ADAMTS9: variants seen among roughly 807,000 people sequenced by gnomAD.
ADAMTS9 encodes A disintegrin and metalloproteinase with thrombospondin motifs 9.
A neutral mutation model predicts 257.1 loss-of-function variants in ADAMTS9; 107 were observed. The observed-to-expected ratio is 0.42, with a 90% CI of 0.36 to 0.49. The LOEUF (loss-of-function observed/expected upper bound fraction) is 0.49. Among genes scored for constraint, ADAMTS9 ranks in the 20% least tolerant of loss-of-function variants. ADAMTS9 has a pLI of 0.03. For missense variants in ADAMTS9, 2,353 were observed against 2,469.1 expected (o/e 0.95, Z 1.00); for synonymous variants, 982 against 880.9 (o/e 1.11, Z -2.03).
chr3:64,651,439 G>A (rs1017975032), intron 8 of ADAMTS9, among the ~76,000 whole-genome samples: 3 of 152,166 alleles, frequency 2.0e-5, no homozygotes, highest in Admixed American at 1.3e-4. Flanking sequence ...TGTACTTTTA[G>A]GAATTGCAGA....
intron 31 of ADAMTS9, among the ~76,000 whole-genome samples, chr3:64,547,732 A>G (rs2083221265): frequency 2.0e-5 from 3 of 151,900 alleles, no homozygotes; most frequent in Admixed American, 6.6e-5. Context: ...CTCTTGCTCT[A>G]TATCACGCCC....
At chr3:64,615,881 G>T (rs2084752770) in intron 20 of ADAMTS9, 79 bp downstream of exon 20, 2 of 1,539,162 alleles carry the variant, frequency 1.3e-6, no homozygotes, top group African/African-American at 1.4e-5. Context: ...GCCTAAATGG[G>T]GCTTACACAC....
chr3:64,584,466 C>A (rs1354854923), intron 28 of ADAMTS9, among the ~76,000 whole-genome samples: 1 of 152,056 alleles, frequency 6.6e-6, no homozygotes, highest in Non-Finnish European at 1.5e-5. Context: ...CTCTGCCACA[C>A]CCCACTCCCT....
chr3:64,681,616 C>G (rs1332422347), intron 2 of ADAMTS9, among the ~76,000 whole-genome samples: 1 of 152,162 alleles, frequency 6.6e-6, no homozygotes, highest in Admixed American at 6.5e-5. Context: ...GTCTTGCTCT[C>G]TCACCCAGCC....
intron 37 of ADAMTS9, among the ~76,000 whole-genome samples, chr3:64,535,391 A>T (rs2083036521): frequency 1.3e-5 from 2 of 151,930 alleles, no homozygotes; most frequent in South Asian, 4.2e-4. Context: ...ATATATATAC[A>T]TATGACATTT....
chr3:64,541,414 T>C lies in ADAMTS9; in HGVS notation c.5293A>G (p.Ile1765Val), dbSNP rs1266498094. The C allele has an allele frequency of 1.2e-6, 2 of 1,613,810 alleles. No homozygotes were observed. The highest frequency in any genetic ancestry group is 1.1e-5 in the South Asian group (1 of 91,086). ...TCAGAGTGCATCCCCGCACAGAATA[T>C]CTGAAAGACCATAAATAACCCATGA... ...FLMIRGKLLKIFCAGMHSDHP... is the reference protein window; with the variant it reads ...FLMIRGKLLKVFCAGMHSDHP... Residue 1765 changes from isoleucine (I) to valine (V), a missense_variant and splice_region_variant, in exon 35 of 40, where the codon ATA becomes GTA. Coordinates refer to ENST00000498707, the MANE Select transcript of ADAMTS9 (RefSeq NM_182920.2).
At chr3:64,635,171 G>A (rs1020048676) in intron 12 of ADAMTS9, among the ~76,000 whole-genome samples, 10 of 152,138 alleles carry the variant, frequency 6.6e-5, no homozygotes, top group East Asian at 1.9e-4. Context: ...CTCCTGCAGC[G>A]TGCCCAGGTC....
At chr3:64,538,238 G>T (rs148656300) in intron 37 of ADAMTS9, among the ~76,000 whole-genome samples, 698 of 152,224 alleles carry the variant, frequency 4.6e-3, no homozygotes, top group Non-Finnish European at 7.8e-3. Flanking sequence ...ATGAATGTTT[G>T]TGAGTCTCCA....
chr3:64,645,535 G>A (rs1326140940), intron 11 of ADAMTS9, among the ~76,000 whole-genome samples: 1 of 152,074 alleles, frequency 6.6e-6, no homozygotes, highest in East Asian at 1.9e-4. Flanking sequence ...TAGAGAAAAG[G>A]CACATACTGG....
chr3:64,530,392 C>T (rs1374142483), intron 38 of ADAMTS9, among the ~76,000 whole-genome samples: 2 of 152,038 alleles, frequency 1.3e-5, no homozygotes, highest in East Asian at 1.9e-4. Context: ...GGAAGTCAGA[C>T]AGCATTTCTC....
chr3:64,585,858 T>C (rs751180611), intron 28 of ADAMTS9, among the ~76,000 whole-genome samples: 4 of 152,162 alleles, frequency 2.6e-5, no homozygotes, highest in Non-Finnish European at 5.9e-5. Flanking sequence ...AATTTTCTTA[T>C]ATTCATTCCT....
At chr3:64,619,583 G>A (rs1214285972) in intron 19 of ADAMTS9, among the ~76,000 whole-genome samples, 2 of 152,010 alleles carry the variant, frequency 1.3e-5, no homozygotes, top group Admixed American at 6.6e-5. Context: ...TGAAGAATTA[G>A]TAGGGTATTA....
intron 22 of ADAMTS9, among the ~76,000 whole-genome samples, chr3:64,607,594 C>G (rs547552806): frequency 6.6e-6 from 1 of 152,170 alleles, no homozygotes; most frequent in African/African-American, 2.4e-5. Flanking sequence ...CACTAAAAGG[C>G]AAAATGTTAG....
chr3:64,533,257 A>T lies in ADAMTS9; in HGVS notation c.5627T>A (p.Ile1876Asn). ...AAKCPQGRFS[I>N]NLYGTGLSLT... The stretch of plus-strand genomic sequence containing the variant: ...AGACAAGCCGGTTCCATAAAGGTTG[A>T]TGCTAAAACGACCCTGGAAAACACG... Residue 1876 changes from isoleucine to asparagine, a missense_variant, in exon 38 of 40, where the codon ATC becomes AAC. This residue lies in a region of ADAMTS9 where 1,402 missense variants were observed against 1,441.4 expected (regional missense o/e 0.97). Coordinates refer to ENST00000498707, the MANE Select transcript of ADAMTS9 (RefSeq NM_182920.2). 1 of 1,610,572 alleles carries T rather than the reference A, an allele frequency of 6.2e-7. No individual in the cohort carries two copies. Among genetic ancestry groups the T allele is most frequent in the Non-Finnish European group, 8.5e-7 (1 of 1,177,238 alleles).
intron 16 of ADAMTS9, among the ~76,000 whole-genome samples, chr3:64,629,915 A>C (rs1417143788): frequency 6.6e-6 from 1 of 152,254 alleles, no homozygotes; most frequent in African/African-American, 2.4e-5. Flanking sequence ...AGACATTCCA[A>C]AACAGAGATA....
chr3:64,679,858 T>C (rs1701711327), intron 3 of ADAMTS9, among the ~76,000 whole-genome samples: 1 of 152,226 alleles, frequency 6.6e-6, no homozygotes, highest in African/African-American at 2.4e-5. Flanking sequence ...AACTTGCTGG[T>C]GGCTGGCAGT....
At chr3:64,552,482 T>G (rs1289431980) in intron 30 of ADAMTS9, among the ~76,000 whole-genome samples, 1 of 152,178 alleles carries the variant, frequency 6.6e-6, no homozygotes, top group Non-Finnish European at 1.5e-5. Context: ...TTTCTTAATT[T>G]AGGCCAGGGA....
intron 38 of ADAMTS9, among the ~76,000 whole-genome samples, chr3:64,531,741 G>C (rs2082983974): frequency 6.6e-6 from 1 of 152,120 alleles, no homozygotes; most frequent in Admixed American, 6.6e-5. Context: ...AATTTAACTG[G>C]GTGTCCTGTA....
Position 64,681,311 on chromosome 3 carries a change from G to T in ADAMTS9, c.569C>A (p.Ser190Tyr), listed in dbSNP as rs1320959769. 6.2e-7 allele frequency: 1 copy of T among 1,613,896 alleles called. No homozygotes were observed. The highest frequency in any genetic ancestry group is 8.5e-7 in the Non-Finnish European group (1 of 1,179,890). Residue 190 changes from serine (S) to tyrosine (Y), a missense_variant, in exon 3 of 40, where the codon TCT (serine) becomes TAT (tyrosine). By Grantham distance (144) the Ser-to-Tyr change is moderately radical. Around this residue, in one of 3 missense-constraint regions of ADAMTS9, gnomAD observed 591 missense variants for 569.6 expected, o/e 1.04. Transcript: ENST00000498707. ...CTCTTCATCTTCTTGTTCATCCATA[G>T]ACTGTAGTGGTTCAATAAAATAATC... ...DGDYFIEPLQ[S>Y]MDEQEDEEEQ... is the part of the protein sequence containing the mutation.
Sources: allele counts gnomAD v4.1 joint callset (sites outside exome capture counted in the v4.1 genomes callset), GRCh38; gene constraint gnomAD v4.1.1; regional missense constraint gnomAD v4.1.1; transcripts MANE v1.5; gene names NCBI Gene and HGNC (gene_info 2026-07-23, HGNC 2026-07-21).